Variants in COL27A1 observed in about 807,000 individuals in gnomAD.
COL27A1 encodes the protein collagen alpha-1(XXVII) chain.
Under a neutral mutation model 251.3 loss-of-function variants are expected in COL27A1, and 106 were observed. The ratio of observed to expected loss-of-function variants is 0.42; its 90% confidence interval spans 0.36 to 0.50. The LOEUF is 0.50. Among genes scored for constraint, COL27A1 ranks in the 20% least tolerant of loss-of-function variants. The pLI is 0.00. For synonymous variants in COL27A1, 1,000 were observed against 986.3 expected (o/e 1.01, Z -0.26); for missense variants, 2,325 against 2,522.8 (o/e 0.92, Z 1.68).
intron 5 of COL27A1, among the ~76,000 whole-genome samples, chr9:114,189,371 A>G (rs548609652): frequency 2.9e-4 from 44 of 152,246 alleles, no homozygotes; most frequent in Non-Finnish European, 5.1e-4. Flanking sequence ...ATTATGTTTC[A>G]TTGTTTATTT....
chr9:114,250,270 A>G (rs536606364), intron 24 of COL27A1, among the ~76,000 whole-genome samples: 1 of 152,336 alleles, frequency 6.6e-6, no homozygotes, highest in African/African-American at 2.4e-5. Flanking sequence ...ATGGGCACAG[A>G]TGGCCTCTTC....
chr9:114,242,107 C>T (rs1366007314), intron 21 of COL27A1, 80 bp from the exon 22 acceptor site: 17 of 1,276,298 alleles, frequency 1.3e-5, no homozygotes, highest in Non-Finnish European at 1.7e-5. Context: ...ATCCCTTTCC[C>T]TCCATACAGG....
intron 35 of COL27A1, 132 bp from the exon 36 acceptor site, chr9:114,270,595 AG>A: frequency 1.5e-6 from 1 of 655,504 alleles, no homozygotes; most frequent in South Asian, 2.0e-5. Flanking sequence ...ACTGTGTGCC[AG>A]GGCCCCCAGG....
chr9:114,268,608 A>T (rs544913482), intron 34 of COL27A1, among the ~76,000 whole-genome samples: 2 of 152,342 alleles, frequency 1.3e-5, no homozygotes, highest in South Asian at 2.1e-4. Flanking sequence ...TCTGTCACTG[A>T]ATAGTCTCAC....
chr9:114,217,048 C>G (rs1262463824), intron 12 of COL27A1, among the ~76,000 whole-genome samples: 1 of 152,162 alleles, frequency 6.6e-6, no homozygotes, highest in African/African-American at 2.4e-5. Flanking sequence ...CTTTCAGAAT[C>G]ACAGTTTCCT....
Position 114,210,601 on chromosome 9 carries a change from C to G in COL27A1, c.2323-381C>G, listed in dbSNP as rs148785854. On this transcript the variant is annotated intron_variant, in intron 11 of 60. Transcript: ENST00000356083. ...AGCTTCTCACAGACCCCTGGCCCAG[C>G]CTGGAGGTCCATTAGAAGCCCCTGG... Among the ~76,000 whole-genome samples the G allele has an allele frequency of 4.9e-3, 740 of 152,274 alleles. 8 individuals carry two copies. The highest frequency in any genetic ancestry group is 0.017 in the African/African-American group (704 of 41,542).
intron 18 of COL27A1, among the ~76,000 whole-genome samples, chr9:114,237,455 C>T (rs941280584): frequency 6.6e-5 from 10 of 152,184 alleles, no homozygotes; most frequent in Non-Finnish European, 1.3e-4. Flanking sequence ...ACTAAGATTC[C>T]GAAAGTTGAA....
intron 28 of COL27A1, among the ~76,000 whole-genome samples, chr9:114,259,329 C>A (rs1485420963): frequency 5.9e-5 from 9 of 152,200 alleles, no homozygotes; most frequent in Non-Finnish European, 1.0e-4. Flanking sequence ...TTAAACAAGG[C>A]TTCCCTGAGC....
chr9:114,236,522 C>G (rs1178090183), intron 17 of COL27A1, among the ~76,000 whole-genome samples: 1 of 152,184 alleles, frequency 6.6e-6, no homozygotes, highest in African/African-American at 2.4e-5. Context: ...CATCATGTGG[C>G]CACATCTGGA....
chr9:114,235,506 C>G, intron 16 of COL27A1, 93 bp from the exon 17 acceptor site: 1 of 956,426 alleles, frequency 1.0e-6, no homozygotes, highest in Non-Finnish European at 1.7e-6. Context: ...GAAACAGCCT[C>G]GGCACAGCTG....
Position 114,155,981 on chromosome 9 carries a change from G to A in COL27A1, c.31G>A (p.Gly11Ser). The stretch of plus-strand genomic sequence containing the variant: ...AGCGGGATCGGCGCGGGGGGCCCGA[G>A]GCACAGCGGCGGCGGCGGCGGCGCG... MGAGSARGAR[G>S]TAAAAAARGG... is the part of the protein sequence containing the mutation. The change falls in exon 1 of 61, where the codon GGC becomes AGC. Residue 11 changes from glycine to serine, a missense_variant. By Grantham distance (56) the Gly-to-Ser change is moderately conservative (BLOSUM62 0). Transcript: ENST00000356083. This position sits in a 1 kb window ranked among gnomAD's most constrained non-coding sequence, Gnocchi z 5.5. 7.7e-7 allele frequency: 1 copy of A among 1,294,720 alleles called. No individual in the cohort carries two copies. Among genetic ancestry groups the A allele is most frequent in the Non-Finnish European group, 9.8e-7 (1 of 1,018,604 alleles). 80.2% of individuals were successfully genotyped at this position (1,294,720 alleles called of 1,614,324 possible).
chr9:114,209,470 G>T (rs552585852), intron 10 of COL27A1: 4 of 776,640 alleles, frequency 5.2e-6, no homozygotes, highest in Admixed American at 3.4e-5. Context: ...GGACTACATC[G>T]TGGAAGCCAG....
At chr9:114,227,887 C>A (rs1328359619) in intron 14 of COL27A1, among the ~76,000 whole-genome samples, 2 of 152,322 alleles carry the variant, frequency 1.3e-5, no homozygotes, top group South Asian at 2.1e-4. Context: ...GGCTGCTCTG[C>A]AAGCTGCCCT....
chr9:114,223,212 C>T (rs1011644842), intron 14 of COL27A1, among the ~76,000 whole-genome samples: 7 of 152,220 alleles, frequency 4.6e-5, no homozygotes, highest in African/African-American at 1.7e-4. Context: ...CCCCTCCGCC[C>T]TGTCCATTGG....
Position 114,212,695 on chromosome 9 carries a change from T to C in COL27A1, c.2367+1669T>C, listed in dbSNP as rs1305292385. Among the ~76,000 whole-genome samples, 3 of 152,248 alleles carry C rather than the reference T, an allele frequency of 2.0e-5. No homozygotes were observed. In the East Asian group the frequency reaches 5.8e-4, roughly 29 times the overall value. ...AGGAGCAGGCTTGGTTCAAATTTTC[T>C]GAACCACAGTTTTCTCTTCCGAGAA... On this transcript the variant is annotated intron_variant, in intron 12 of 60. Coordinates refer to ENST00000356083, the MANE Select transcript of COL27A1 (RefSeq NM_032888.4).
In COL27A1 at chr9:114,248,306, C is replaced by T. The variant is rs532351646; in HGVS notation, c.2980-2309C>T. Among the ~76,000 whole-genome samples, 30 of 152,324 alleles carry T rather than the reference C, an allele frequency of 2.0e-4. No individual in the cohort carries two copies. The East Asian group carries it at 3.5e-3, about 18-fold the overall frequency. On this transcript the variant is annotated intron_variant, in intron 24 of 60. Transcript: ENST00000356083. ...CCAGGGGCAGCCACGCATATAAACA[C>T]GTCACACTGAGCTGTCTAGTCCAGC...
chr9:114,194,826 G>A (rs1202663070), intron 6 of COL27A1, among the ~76,000 whole-genome samples: 1 of 152,214 alleles, frequency 6.6e-6, no homozygotes, highest in Non-Finnish European at 1.5e-5. Flanking sequence ...ACATGGCCAG[G>A]AAGCTTCCAA....
intron 27 of COL27A1, 146 bp from the exon 28 acceptor site, chr9:114,258,395 T>A: frequency 3.0e-6 from 2 of 675,236 alleles, no homozygotes. Flanking sequence ...AGTCCTTCCA[T>A]GTGGAGGCTG....
rs867232763 is a variant in COL27A1, at chr9:114,217,670, G to A, written c.2368-2121G>A. ...ATGCTGGACTTGGAGAACAGGGCAG[G>A]ACTACAAGTTCTGTCCCTTGTAGGC... is the stretch of plus-strand genomic sequence containing the variant. On this transcript the variant is annotated intron_variant, in intron 12 of 60. Transcript: ENST00000356083. 6.7e-5 allele frequency: 28 copies of A among 420,568 alleles called. No homozygotes were observed. In the Middle Eastern group the frequency reaches 3.5e-3, roughly 53 times the overall value. 26.1% of individuals were successfully genotyped at this position (420,568 alleles called of 1,614,324 possible). A position where few individuals can be genotyped will look rare whatever the true frequency, so the allele number is the denominator to read the frequency against.
Sources: gnomAD v4.1 joint callset for allele counts (sites outside exome capture counted in the v4.1 genomes callset) on GRCh38, gnomAD v4.1.1 for gene constraint, Gnocchi (gnomAD v3.1) non-coding constraint, MANE v1.5 for transcripts, NCBI Gene and HGNC (gene_info 2026-07-23, HGNC 2026-07-21) for gene names.